The following KIAA1549 variants were observed in gnomAD, a reference collection of about 807,000 sequenced individuals.
The protein encoded by KIAA1549 is UPF0606 protein KIAA1549.
KIAA1549 carries 70 observed loss-of-function variants against 156.4 expected under a neutral mutation model. The observed-to-expected ratio is 0.45, with a 90% confidence interval of 0.37 to 0.55. KIAA1549 has a LOEUF of 0.55. KIAA1549 is among the 20% of genes least tolerant of loss of function. KIAA1549 has a pLI of 0.00. For missense variants in KIAA1549, 2,428 were observed against 2,540.9 expected (o/e 0.96, Z 0.96); for synonymous variants, 1,103 against 1,066.4 (o/e 1.03, Z -0.67).
At chr7:138,940,487 GTC>G (rs1813152642) in intron 1 of KIAA1549, among the ~76,000 whole-genome samples, 1 of 150,986 alleles carries the variant, frequency 6.6e-6, no homozygotes, top group Non-Finnish European at 1.5e-5. Flanking sequence ...GTGTGCATGT[GTC>G]TTTATAGTAG....
intron 10 of KIAA1549, among the ~76,000 whole-genome samples, chr7:138,891,090 A>G (rs1191640154): frequency 6.6e-6 from 1 of 152,202 alleles, no homozygotes; most frequent in Non-Finnish European, 1.5e-5. Context: ...TTCTCCAGAC[A>G]TCCTTATACT....
At chr7:138,945,894 C>T (rs1813322667) in intron 1 of KIAA1549, among the ~76,000 whole-genome samples, 1 of 152,062 alleles carries the variant, frequency 6.6e-6, no homozygotes, top group Admixed American at 6.5e-5. Flanking sequence ...CCACTGCACT[C>T]CAGCCTGAGT....
intron 1 of KIAA1549, among the ~76,000 whole-genome samples, chr7:138,977,888 C>T (rs1446908901): frequency 6.6e-6 from 1 of 152,072 alleles, no homozygotes; most frequent in Non-Finnish European, 1.5e-5. Flanking sequence ...TTAGTAGAGA[C>T]GGGGTTTCAC....
intron 1 of KIAA1549, among the ~76,000 whole-genome samples, chr7:138,978,081 G>C (rs759450392): frequency 6.6e-6 from 1 of 152,164 alleles, no homozygotes; most frequent in African/African-American, 2.4e-5. Context: ...AAATCATTAG[G>C]ATAGAAAATA....
rs113198119 is a variant in KIAA1549 at position 138,867,393 on chromosome 7, A to G, written c.4929+582T>C. Among the ~76,000 whole-genome samples the G allele has an allele frequency of 1.0e-3, 156 of 152,114 alleles. 1 individual carries two copies. Among genetic ancestry groups the G allele is most frequent in the African/African-American group, 3.7e-3 (153 of 41,486 alleles). On this transcript the variant is annotated intron_variant, in intron 15 of 19. Transcript: ENST00000422774. ...AACATGCTGAGACCCCATCTCTACA[A>G]AAATTTTTAAAATTAGCTGGGCATG...
chr7:138,864,107 C>G (rs1442659480), intron 15 of KIAA1549, among the ~76,000 whole-genome samples: 1 of 152,150 alleles, frequency 6.6e-6, no homozygotes, highest in Admixed American at 6.5e-5. Flanking sequence ...AGGGTTTCTC[C>G]AGAAACAGAA....
At chr7:138,900,071 A>G (rs775094716) in intron 8 of KIAA1549, among the ~76,000 whole-genome samples, 8 of 152,184 alleles carry the variant, frequency 5.3e-5, no homozygotes, top group Non-Finnish European at 8.8e-5. Flanking sequence ...GCTGGTCTCT[A>G]CATTTGCCAT....
chr7:138,968,643 C>G (rs938852768), intron 1 of KIAA1549, among the ~76,000 whole-genome samples: 5 of 151,260 alleles, frequency 3.3e-5, no homozygotes, highest in Non-Finnish European at 1.5e-5. Context: ...GTCAGGAGAT[C>G]GAGACCATCC....
At chr7:138,859,434 C>CT (rs1190980798) in intron 16 of KIAA1549, among the ~76,000 whole-genome samples, 1 of 152,134 alleles carries the variant, frequency 6.6e-6, no homozygotes, top group African/African-American at 2.4e-5. Context: ...TCCTGCTAAT[C>CT]TTTTTGAGGG....
intron 1 of KIAA1549, among the ~76,000 whole-genome samples, chr7:138,946,684 T>C (rs1378314949): frequency 6.6e-6 from 1 of 151,936 alleles, no homozygotes; most frequent in African/African-American, 2.4e-5. Context: ...GAAGCTGAGG[T>C]GGGAGGATCA....
Position 138,864,312 on chromosome 7 carries a change from G to A in KIAA1549, c.4930-2856C>T, listed in dbSNP as rs912875835. 3.3e-5 allele frequency among the ~76,000 whole-genome samples: 5 copies of A among 152,262 alleles called. No homozygotes were observed. In the East Asian group the frequency reaches 9.7e-4, roughly 29 times the overall value. ...TCTCAGTGGCCAGAATTTCAGAGAA[G>A]GCTAAACTTCTATACCGAGAGAGAT... On this transcript the variant is annotated intron_variant, in intron 15 of 19. Transcript: ENST00000422774.
rs772852094 is a variant in KIAA1549 at position 138,905,007 on chromosome 7, A to G, written c.3520+15T>C. On this transcript the variant is annotated intron_variant, in intron 7 of 19. Transcript: ENST00000422774. ...CTCCTTACAGTTCCCAAAATATTAC[A>G]TAAGTTAAACATACCTGTTCTGACC... is the stretch of plus-strand genomic sequence containing the variant. 1.8e-5 allele frequency: 28 copies of G among 1,521,374 alleles called. No individual in the cohort carries two copies. The highest frequency in any genetic ancestry group is 2.2e-5 in the Non-Finnish European group (25 of 1,116,094). 94.2% of individuals were successfully genotyped at this position (1,521,374 alleles called of 1,614,324 possible). A position where few individuals can be genotyped will look rare whatever the true frequency, so the allele number is the denominator to read the frequency against.
intron 3 of KIAA1549, among the ~76,000 whole-genome samples, chr7:138,911,806 T>G (rs1421820485): frequency 6.6e-6 from 1 of 152,234 alleles, no homozygotes; most frequent in Non-Finnish European, 1.5e-5. Context: ...TCACTGCATT[T>G]TTCAAGTCTG....
rs1809700093 is a variant in KIAA1549, at chr7:138,836,164, AG to A, written c.*1741del. 4.8e-6 allele frequency: 1 copy of A among 210,014 alleles called. No individual in the cohort carries two copies. Among genetic ancestry groups the A allele is most frequent in the Non-Finnish European group, 9.7e-6 (1 of 103,528 alleles). The allele number at this position is 210,014 out of a possible 1,614,324, so 13.0% of individuals were successfully genotyped here. A position where few individuals can be genotyped will look rare whatever the true frequency, so the allele number is the denominator to read the frequency against. On this transcript the variant is annotated 3_prime_UTR_variant, in exon 20 of 20. Transcript: ENST00000422774. ...GCCCCTTATCTGTTATTTAATGAAA[AG>A]TACAGTCATGCACACATCAGGATGT...
chr7:138,962,666 C>A lies in KIAA1549; in HGVS notation c.187+18417G>T, dbSNP rs556288714. Reference sequence around the variant, plus strand: ...CCTTCCAGCCCAGCCCTGGAGCCAACCGAACACAGCCAAGTGAGTGACCCC... The same window carrying A: ...CCTTCCAGCCCAGCCCTGGAGCCAAACGAACACAGCCAAGTGAGTGACCCC... On this transcript the variant is annotated intron_variant, in intron 1 of 19. Coordinates refer to ENST00000422774, the MANE Select transcript of KIAA1549 (RefSeq NM_001164665.2). Among the ~76,000 whole-genome samples the A allele has an allele frequency of 2.0e-5, 3 of 152,264 alleles. No individual in the cohort carries two copies. The East Asian group carries it at 5.8e-4, about 29-fold the overall frequency.
intron 17 of KIAA1549, among the ~76,000 whole-genome samples, chr7:138,848,040 T>C (rs983232228): frequency 6.6e-6 from 1 of 152,270 alleles, no homozygotes; most frequent in African/African-American, 2.4e-5. Context: ...CATCGTTATT[T>C]TGAAATTTAG....
rs200964689 is a variant in KIAA1549 at position 138,869,569 on chromosome 7, C to T, written c.4744G>A (p.Val1582Met). 1,553 of 1,585,956 alleles carry T rather than the reference C, an allele frequency of 9.8e-4. 4 individuals are homozygous for T. The highest frequency in any genetic ancestry group is 1.2e-3 in the Non-Finnish European group (1,424 of 1,167,478). The change falls in exon 14 of 20, where the codon GTG (valine) becomes ATG (methionine). Residue 1582 changes from valine (V) to methionine (M), a missense_variant. Physicochemically the swap from Val to Met is conservative, Grantham distance 21. This residue lies in a region of KIAA1549 where 404 missense variants were observed against 417.0 expected (regional missense o/e 0.97). Transcript: ENST00000422774. Reference protein sequence around the residue: ...IDKILDPTASVPSVFIEPRKS... With the variant: ...IDKILDPTASMPSVFIEPRKS... ...CTGGGCTCTATGAACACGGAGGGCA[C>T]GCTGGCCGTGGGGTCCAGGATCTTG...
intron 10 of KIAA1549, among the ~76,000 whole-genome samples, chr7:138,888,519 G>T (rs1313303577): frequency 6.6e-6 from 1 of 152,188 alleles, no homozygotes; most frequent in African/African-American, 2.4e-5. Flanking sequence ...ACAGCAACAC[G>T]TTTGGATTCT....
intron 1 of KIAA1549, among the ~76,000 whole-genome samples, chr7:138,954,173 G>C (rs1813588377): frequency 6.6e-6 from 1 of 152,212 alleles, no homozygotes; most frequent in Non-Finnish European, 1.5e-5. Context: ...GAAATTGCTA[G>C]AAGAATATGA....
Sources: allele counts gnomAD v4.1 joint callset (sites outside exome capture counted in the v4.1 genomes callset), GRCh38; gene constraint gnomAD v4.1.1; regional missense constraint gnomAD v4.1.1; transcripts MANE v1.5; gene names NCBI Gene and HGNC (gene_info 2026-07-23, HGNC 2026-07-21).